LYRM7: variants seen among roughly 807,000 people sequenced by gnomAD.
LYRM7 encodes the protein LYR motif containing 7.
LYRM7 carries 9 observed loss-of-function variants against 15.8 expected under a neutral mutation model. The observed-to-expected ratio is 0.57, with a 90% CI of 0.34 to 0.99. The LOEUF (loss-of-function observed/expected upper bound fraction) is 0.99, where lower values mean the gene tolerates loss of function less well. Ranked by LOEUF, LYRM7 falls within the 50% of genes least tolerant of loss-of-function variation. LYRM7 has a pLI of 0.02. For synonymous variants in LYRM7, 39 were observed against 39.4 expected (o/e 0.99, Z 0.04); for missense variants, 115 against 119.1 (o/e 0.97, Z 0.16).
chr5:131,202,631 C>T lies in LYRM7; in HGVS notation c.*3030C>T, dbSNP rs1168567638. 1 of 152,478 alleles carries T rather than the reference C, an allele frequency of 6.6e-6. No homozygotes were observed. Among genetic ancestry groups the T allele is most frequent in the Non-Finnish European group, 1.5e-5 (1 of 68,062 alleles). The allele number at this position is 152,478 out of a possible 1,614,324, so 9.4% of individuals were successfully genotyped here. A position where few individuals can be genotyped will look rare whatever the true frequency, so the allele number is the denominator to read the frequency against. Reference sequence around the variant, plus strand: ...ACCTCAAGCAATCATCCTGCCTCAGCCTCCTAAGTAGCTAGGACTACAGGT... The same window carrying T: ...ACCTCAAGCAATCATCCTGCCTCAGTCTCCTAAGTAGCTAGGACTACAGGT... On this transcript the variant is annotated 3_prime_UTR_variant, in exon 5 of 5. Coordinates refer to ENST00000379380, the MANE Select transcript of LYRM7 (RefSeq NM_181705.4).
chr5:131,181,413 ATGT>A (rs1755705556), intron 2 of LYRM7, among the ~76,000 whole-genome samples: 2 of 119,218 alleles, frequency 1.7e-5, no homozygotes, highest in East Asian at 2.1e-4. Context: ...ATACATATAT[ATGT>A]TTATATATAT....
intron 4 of LYRM7, among the ~76,000 whole-genome samples, chr5:131,198,993 G>A (rs1580701769): frequency 6.6e-6 from 1 of 152,096 alleles, no homozygotes; most frequent in African/African-American, 2.4e-5. Flanking sequence ...TTTTTGACAG[G>A]ACAGTTCTTC....
At chr5:131,182,373 G>T in intron 3 of LYRM7, 74 bp downstream of exon 3, 1 of 1,200,722 alleles carries the variant, frequency 8.3e-7, no homozygotes, top group Non-Finnish European at 1.1e-6. Flanking sequence ...AAGATAGAGG[G>T]GTTATGTAAA....
intron 1 of LYRM7, among the ~76,000 whole-genome samples, chr5:131,178,627 A>G (rs1457084101): frequency 6.6e-6 from 1 of 152,162 alleles, no homozygotes; most frequent in African/African-American, 2.4e-5. Flanking sequence ...ACAGACTCAG[A>G]ATATTCATAA....
At position 131,176,498 on chromosome 5, in the gene LYRM7, A is replaced by G. The variant is rs529914363; in HGVS notation, c.19-3597A>G. ...GGCACATGACATTGAACATCTTTTTATGGCTTATTGGCCATTTATGGGTTT... is the reference window on the plus strand; with the variant it reads ...GGCACATGACATTGAACATCTTTTTGTGGCTTATTGGCCATTTATGGGTTT... On this transcript the variant is annotated intron_variant, in intron 1 of 4. Coordinates refer to ENST00000379380, the MANE Select transcript of LYRM7 (RefSeq NM_181705.4). 4.1e-5 allele frequency among the ~76,000 whole-genome samples: 6 copies of G among 145,626 alleles called. No individual in the cohort carries two copies. The South Asian group carries it at 1.3e-3, about 31-fold the overall frequency.
intron 4 of LYRM7, among the ~76,000 whole-genome samples, chr5:131,190,083 G>A (rs188932701): frequency 5.4e-5 from 8 of 149,388 alleles, no homozygotes; most frequent in African/African-American, 2.0e-4. Flanking sequence ...GCAATGACCC[G>A]AGATCGCACC....
At chr5:131,180,594 G>A (rs555581035) in intron 2 of LYRM7, among the ~76,000 whole-genome samples, 1 of 152,212 alleles carries the variant, frequency 6.6e-6, no homozygotes, top group African/African-American at 2.4e-5. Context: ...GTTTTAAGTA[G>A]TTTCTATCTT....
intron 3 of LYRM7, among the ~76,000 whole-genome samples, chr5:131,186,516 C>G (rs185673432): frequency 4.1e-4 from 63 of 152,318 alleles, no homozygotes; most frequent in African/African-American, 1.4e-3. Flanking sequence ...TGCCTCAAAT[C>G]TCTGATAGTA....
In LYRM7 at chr5:131,170,984, G is replaced by C; in HGVS notation, c.-37G>C. ...TGGTTGCTGAGAGGCGGGGCTACTCGACTGCTCTGGAGGTAGCGGCCGCGG... is the reference window on the plus strand; with the variant it reads ...TGGTTGCTGAGAGGCGGGGCTACTCCACTGCTCTGGAGGTAGCGGCCGCGG... On this transcript the variant is annotated 5_prime_UTR_variant, in exon 1 of 5. Coordinates refer to ENST00000379380, the MANE Select transcript of LYRM7 (RefSeq NM_181705.4). 2.6e-6 allele frequency: 4 copies of C among 1,536,470 alleles called. No homozygotes were observed. The highest frequency in any genetic ancestry group is 3.5e-6 in the Non-Finnish European group (4 of 1,145,946).
At chr5:131,195,257 A>G (rs1444353959) in intron 4 of LYRM7, among the ~76,000 whole-genome samples, 1 of 152,184 alleles carries the variant, frequency 6.6e-6, no homozygotes. Context: ...CGACAGACAG[A>G]GCAAGGTTCT....
intron 4 of LYRM7, among the ~76,000 whole-genome samples, chr5:131,193,396 T>G (rs988539524): frequency 2.6e-5 from 4 of 152,258 alleles, no homozygotes; most frequent in Non-Finnish European, 1.5e-5. Flanking sequence ...AGGCAGAGAC[T>G]GCTGAGACAC....
In LYRM7 at chr5:131,192,339, A is replaced by T. The variant is rs1755900532; in HGVS notation, c.244+5230A>T. ...CCAAAATTACAATTAGCTAGGAGGA[A>T]TAAGTTCTAGTGTTCTATAGCACTG... On this transcript the variant is annotated intron_variant, in intron 4 of 4. Transcript: ENST00000379380. Among the ~76,000 whole-genome samples, 3 of 152,142 alleles carry T rather than the reference A, an allele frequency of 2.0e-5. No homozygotes were observed. The South Asian group carries it at 6.2e-4, about 31-fold the overall frequency.
chr5:131,195,480 A>G (rs1755949484), intron 4 of LYRM7, among the ~76,000 whole-genome samples: 1 of 152,242 alleles, frequency 6.6e-6, no homozygotes, highest in Non-Finnish European at 1.5e-5. Context: ...AACTAAAGCC[A>G]GTACAAGCAG....
At chr5:131,182,463 G>T (rs934967965) in intron 3 of LYRM7, among the ~76,000 whole-genome samples, 164 bp downstream of exon 3, 1 of 152,032 alleles carries the variant, frequency 6.6e-6, no homozygotes, top group African/African-American at 2.4e-5. Flanking sequence ...ACCTCCTCAG[G>T]CTCATCTGCC....
rs1269813932 is a variant in LYRM7 at position 131,203,182 on chromosome 5, A to T, written c.*3581A>T. On this transcript the variant is annotated 3_prime_UTR_variant, in exon 5 of 5. Transcript: ENST00000379380. ...CTGAAGGTGAGTTTTCTGAAGCCAA[A>T]GTGGATACATGCAAAATTAATATAG... 1 of 152,384 alleles carries T rather than the reference A, an allele frequency of 6.6e-6. No individual in the cohort carries two copies. The highest frequency in any genetic ancestry group is 1.5e-5 in the Non-Finnish European group (1 of 68,042). 9.4% of individuals were successfully genotyped at this position (152,384 alleles called of 1,614,324 possible).
intron 4 of LYRM7, among the ~76,000 whole-genome samples, chr5:131,196,167 G>A (rs1013666326): frequency 5.5e-5 from 8 of 145,472 alleles, no homozygotes; most frequent in Admixed American, 1.4e-4. Flanking sequence ...GCAGTGGCAC[G>A]ATCTTGGCTC....
chr5:131,191,999 C>G (rs1755892565), intron 4 of LYRM7, among the ~76,000 whole-genome samples: 1 of 142,824 alleles, frequency 7.0e-6, no homozygotes, highest in South Asian at 2.2e-4. Context: ...ACCTAAGAAT[C>G]CAGTGACAGT....
At chr5:131,189,784 A>G (rs1368792973) in intron 4 of LYRM7, among the ~76,000 whole-genome samples, 1 of 152,172 alleles carries the variant, frequency 6.6e-6, no homozygotes. Flanking sequence ...ACCTGGTAGT[A>G]TAAGTCCAAA....
intron 3 of LYRM7, 89 bp downstream of exon 3, chr5:131,182,388 A>C: frequency 1.7e-6 from 2 of 1,152,024 alleles, no homozygotes; most frequent in South Asian, 3.4e-5. Flanking sequence ...TGTAAAATAA[A>C]AACCATTACT....
Sources: gnomAD v4.1 joint callset for allele counts (sites outside exome capture counted in the v4.1 genomes callset) on GRCh38, gnomAD v4.1.1 for gene constraint, MANE v1.5 for transcripts, NCBI Gene and HGNC (gene_info 2026-07-23, HGNC 2026-07-21) for gene names.